Variants in ABCA1 observed in about 807,000 individuals in gnomAD.
ABCA1 encodes phospholipid-transporting ATPase ABCA1.
In ABCA1, 133 loss-of-function variants were observed where a neutral mutation model predicts 262.5. The observed-to-expected ratio is 0.51, with a 90% CI of 0.44 to 0.59. ABCA1 has a LOEUF of 0.59. Among genes scored for constraint, ABCA1 ranks in the 20% least tolerant of loss-of-function variants. The probability of loss-of-function intolerance (pLI) is 0.00; values close to 1 mark genes in which losing one functional copy is unlikely to be tolerated. For missense variants in ABCA1, 2,452 were observed against 2,777.5 expected (o/e 0.88, Z 2.63); for synonymous variants, 1,022 against 1,043.5 (o/e 0.98, Z 0.40).
intron 47 of ABCA1, among the ~76,000 whole-genome samples, chr9:104,786,644 A>T (rs1465383494): frequency 6.6e-6 from 1 of 152,244 alleles, no homozygotes; most frequent in African/African-American, 2.4e-5. Context: ...GCTATAAGAA[A>T]TGACACCTAA....
At chr9:104,858,795 A>T in intron 6 of ABCA1, 97 bp from the exon 7 acceptor site, 1 of 1,220,432 alleles carries the variant, frequency 8.2e-7, no homozygotes, top group Non-Finnish European at 1.2e-6. Context: ...ATATCAATAC[A>T]GCTTTGAAGA....
At chr9:104,922,180 G>C (rs1264287540) in intron 1 of ABCA1, among the ~76,000 whole-genome samples, 1 of 152,136 alleles carries the variant, frequency 6.6e-6, no homozygotes, top group South Asian at 2.1e-4. Flanking sequence ...TGTGGTCTTC[G>C]TAGAATGGAG....
Position 104,817,313 on chromosome 9 carries a change from G to C in ABCA1, c.3535+19C>G. On this transcript the variant is annotated intron_variant, in intron 24 of 49. Transcript: ENST00000374736. This position sits in a 1 kb window ranked among gnomAD's most constrained non-coding sequence, Gnocchi z 4.7. Reference sequence around the variant, plus strand: ...GGAAGCTCAGGCACCACCTGAATAAGAAACCCCAGAGTCCTTACCGATGGT... The same window carrying C: ...GGAAGCTCAGGCACCACCTGAATAACAAACCCCAGAGTCCTTACCGATGGT... 2 of 1,614,134 alleles carry C rather than the reference G, an allele frequency of 1.2e-6. No homozygotes were observed. Among genetic ancestry groups the C allele is most frequent in the Non-Finnish European group, 1.7e-6 (2 of 1,180,006 alleles).
chr9:104,880,975 C>A (rs1464602184), intron 5 of ABCA1, among the ~76,000 whole-genome samples: 2 of 152,094 alleles, frequency 1.3e-5, no homozygotes, highest in African/African-American at 4.8e-5. Context: ...ATGGTGAAAT[C>A]TCATCTCTAC....
intron 5 of ABCA1, among the ~76,000 whole-genome samples, chr9:104,879,935 A>C (rs1362251139): frequency 6.6e-6 from 1 of 152,228 alleles, no homozygotes; most frequent in East Asian, 1.9e-4. Context: ...CATTTTGCCT[A>C]AAAAATCATG....
intron 39 of ABCA1, among the ~76,000 whole-genome samples, chr9:104,794,731 T>C (rs1390256073): frequency 6.6e-6 from 1 of 152,122 alleles, no homozygotes; most frequent in Non-Finnish European, 1.5e-5. Context: ...CTTTAGAAAA[T>C]CTGGAGAAAT....
At chr9:104,853,484 C>T (rs565329789) in intron 7 of ABCA1, among the ~76,000 whole-genome samples, 1 of 152,334 alleles carries the variant, frequency 6.6e-6, no homozygotes, top group East Asian at 1.9e-4. Context: ...ACAAAGAATT[C>T]CTCAAATTCC....
At chr9:104,926,876 C>T (rs1432128007) in intron 1 of ABCA1, among the ~76,000 whole-genome samples, 2 of 152,216 alleles carry the variant, frequency 1.3e-5, no homozygotes, top group Non-Finnish European at 2.9e-5. Flanking sequence ...GGGCACCCCA[C>T]CTCCGGGTCT....
intron 1 of ABCA1, among the ~76,000 whole-genome samples, chr9:104,926,376 A>G (rs941615294): frequency 2.0e-5 from 3 of 151,696 alleles, no homozygotes; most frequent in Non-Finnish European, 4.4e-5. Context: ...ACCTACACAT[A>G]ACCCTGGCAC....
chr9:104,868,881 T>C (rs1837328036), intron 5 of ABCA1, among the ~76,000 whole-genome samples: 2 of 151,940 alleles, frequency 1.3e-5, no homozygotes. Flanking sequence ...CATTTGCACG[T>C]GCAGGCGGAG....
chr9:104,901,140 C>T lies in ABCA1; in HGVS notation c.66+2474G>A, dbSNP rs964323776. The stretch of plus-strand genomic sequence containing the variant: ...GCAGGATTCCTTCCCTGGCTAAGCA[C>T]GGAAAACCTTTTCCCTGCCCTTTCT... On this transcript the variant is annotated intron_variant, in intron 2 of 49. Transcript: ENST00000374736. Among the ~76,000 whole-genome samples the T allele has an allele frequency of 3.3e-5, 5 of 152,304 alleles. No homozygotes were observed. In the East Asian group the frequency reaches 5.8e-4, roughly 18 times the overall value.
At chr9:104,925,751 T>C (rs2118564591) in intron 1 of ABCA1, among the ~76,000 whole-genome samples, 1 of 152,330 alleles carries the variant, frequency 6.6e-6, no homozygotes, top group Admixed American at 6.5e-5. Flanking sequence ...AAACTTTGTA[T>C]TTGAAAAATA....
At chr9:104,803,014 C>A (rs1830471854) in intron 33 of ABCA1, among the ~76,000 whole-genome samples, 1 of 152,154 alleles carries the variant, frequency 6.6e-6, no homozygotes, top group Admixed American at 6.5e-5. Flanking sequence ...TCAAGGAAAT[C>A]AGTATATCAA....
At chr9:104,856,496 T>C (rs1192368400) in intron 7 of ABCA1, among the ~76,000 whole-genome samples, 1 of 152,090 alleles carries the variant, frequency 6.6e-6, no homozygotes, top group Non-Finnish European at 1.5e-5. Flanking sequence ...TAGCTGACGG[T>C]TCTGAAGGTG....
chr9:104,857,129 C>T (rs1354876122), intron 7 of ABCA1, among the ~76,000 whole-genome samples: 2 of 152,130 alleles, frequency 1.3e-5, no homozygotes, highest in African/African-American at 4.8e-5. Flanking sequence ...CATAGTGAAA[C>T]CCTATGTCTA....
At chr9:104,879,187 A>G (rs1356434307) in intron 5 of ABCA1, among the ~76,000 whole-genome samples, 2 of 152,240 alleles carry the variant, frequency 1.3e-5, no homozygotes, top group East Asian at 3.8e-4. Context: ...CAGCCAGTCT[A>G]TTTCAACTGC....
chr9:104,835,639 T>TAAAGGTCC, intron 11 of ABCA1, among the ~76,000 whole-genome samples: 1 of 152,086 alleles, frequency 6.6e-6, no homozygotes, highest in Non-Finnish European at 1.5e-5. Flanking sequence ...GAGCTTAAAG[T>TAAAGGTCC]AAAGGTCCTC....
In ABCA1 at chr9:104,787,903, T is replaced by C. The variant is rs769888806; in HGVS notation, c.6204+17A>G. On this transcript the variant is annotated intron_variant, in intron 46 of 49. Transcript: ENST00000374736. The stretch of plus-strand genomic sequence containing the variant: ...CTCAGGCCAGAACAACAGTTTTCCA[T>C]CCACAGTTATACTCACCAGAAACAC... The C allele has an allele frequency of 1.9e-6, 3 of 1,613,824 alleles. No homozygotes were observed. Among genetic ancestry groups the C allele is most frequent in the Non-Finnish European group, 2.5e-6 (3 of 1,179,848 alleles).
intron 2 of ABCA1, among the ~76,000 whole-genome samples, chr9:104,894,433 TA>T (rs1234626674): frequency 6.6e-6 from 1 of 151,998 alleles, no homozygotes; most frequent in South Asian, 2.1e-4. Context: ...GAAAAGAGGT[TA>T]AAAAAAATTG....
Sources: gnomAD v4.1 joint callset for allele counts (sites outside exome capture counted in the v4.1 genomes callset) on GRCh38, gnomAD v4.1.1 for gene constraint, Gnocchi (gnomAD v3.1) non-coding constraint, MANE v1.5 for transcripts, NCBI Gene and HGNC (gene_info 2026-07-23, HGNC 2026-07-21) for gene names.